Variants in CPED1 observed in about 807,000 individuals in gnomAD.
CPED1 encodes cadherin-like and PC-esterase domain-containing protein 1.
Under a neutral mutation model 128.2 loss-of-function variants are expected in CPED1, and 114 were observed. The ratio of observed to expected loss-of-function variants is 0.89; its 90% CI spans 0.76 to 1.04. The LOEUF is 1.04. CPED1 is among the 50% of genes least tolerant of loss of function. The pLI is 0.00. For missense variants in CPED1, 1,211 were observed against 1,207.1 expected (o/e 1.00, Z -0.05); for synonymous variants, 462 against 426.7 (o/e 1.08, Z -1.02).
intron 2 of CPED1, among the ~76,000 whole-genome samples, chr7:120,996,390 G>A (rs1373947425): frequency 3.3e-5 from 5 of 152,168 alleles, no homozygotes; most frequent in Non-Finnish European, 5.9e-5. Flanking sequence ...ATACAGTTAA[G>A]TAGTATTAAT....
intron 16 of CPED1, among the ~76,000 whole-genome samples, chr7:121,177,835 A>C (rs1454433799): frequency 6.6e-6 from 1 of 151,986 alleles, no homozygotes; most frequent in African/African-American, 2.4e-5. Context: ...GCTGTGTTCT[A>C]TTCTTATGAC....
chr7:121,252,842 G>T (rs1297271507), intron 18 of CPED1, among the ~76,000 whole-genome samples: 1 of 152,114 alleles, frequency 6.6e-6, no homozygotes, highest in Non-Finnish European at 1.5e-5. Context: ...GGAGAAATAG[G>T]AACACTTTTA....
chr7:120,990,003 G>A, intron 2 of CPED1, 133 bp downstream of exon 2: 2 of 1,017,484 alleles, frequency 2.0e-6, no homozygotes, highest in Non-Finnish European at 2.9e-6. Context: ...CCTAGAGAGT[G>A]ACCTGATGAC....
chr7:121,037,082 G>C (rs1205461106), intron 3 of CPED1, among the ~76,000 whole-genome samples: 1 of 152,098 alleles, frequency 6.6e-6, no homozygotes, highest in Non-Finnish European at 1.5e-5. Flanking sequence ...CTTTCCCTCT[G>C]TGGATTGTCT....
At chr7:121,238,955 A>C (rs773847717) in intron 17 of CPED1, among the ~76,000 whole-genome samples, 16 of 152,122 alleles carry the variant, frequency 1.1e-4, no homozygotes, top group Non-Finnish European at 2.1e-4. Flanking sequence ...ACAGAAGACT[A>C]TGAGCAGCCA....
At chr7:121,051,566 T>C (rs1253327327) in intron 4 of CPED1, 1 of 393,220 alleles carries the variant, frequency 2.5e-6, no homozygotes, top group Non-Finnish European at 4.8e-6. Flanking sequence ...GTCCTGCATT[T>C]AATGTCTTGA....
chr7:121,125,179 A>G (rs1443412172), intron 8 of CPED1, among the ~76,000 whole-genome samples: 1 of 152,216 alleles, frequency 6.6e-6, no homozygotes, highest in Non-Finnish European at 1.5e-5. Context: ...TATCACATGT[A>G]ATTTTACATT....
At chr7:121,094,064 C>T (rs1225938783) in intron 5 of CPED1, among the ~76,000 whole-genome samples, 2 of 152,092 alleles carry the variant, frequency 1.3e-5, no homozygotes, top group Non-Finnish European at 2.9e-5. Flanking sequence ...GCTGTTATAC[C>T]TGTAGGCTAA....
intron 16 of CPED1, among the ~76,000 whole-genome samples, chr7:121,209,580 C>T (rs1258295395): frequency 2.0e-5 from 3 of 151,988 alleles, no homozygotes; most frequent in Admixed American, 6.6e-5. Flanking sequence ...AGACCCCTAT[C>T]TCTCACTATA....
At chr7:121,267,053 A>T (rs970427710) in intron 20 of CPED1, among the ~76,000 whole-genome samples, 162 bp from the exon 21 acceptor site, 7 of 152,174 alleles carry the variant, frequency 4.6e-5, no homozygotes, top group East Asian at 1.9e-4. Context: ...ACTCTATCTT[A>T]AAAAAACCGT....
At chr7:121,125,759 A>G in intron 8 of CPED1, 61 bp from the exon 9 acceptor site, 1 of 1,237,960 alleles carries the variant, frequency 8.1e-7, no homozygotes, top group African/African-American at 1.5e-5. Context: ...TAAATAGTGC[A>G]TTAATAAACA....
Position 121,124,387 on chromosome 7 carries a change from C to A in CPED1, c.975C>A (p.Asp325Glu). 1 of 1,608,660 alleles carries A rather than the reference C, an allele frequency of 6.2e-7. No homozygotes were observed. Among genetic ancestry groups the A allele is most frequent in the South Asian group, 1.1e-5 (1 of 90,494 alleles). ...CCAGTTCACCTCAACAGGCTTTTGA[C>A]ATTATGAAGGAAGCAATTGGCAAAC... The part of the protein sequence containing the change: ...LRASSPQQAF[D>E]IMKEAIGKLL... The change falls in exon 8 of 23, where the codon GAC becomes GAA. Residue 325 changes from aspartate (D) to glutamate (E), a missense_variant. By Grantham distance (45) the Asp-to-Glu change is conservative. Transcript: ENST00000310396.
chr7:121,287,356 G>T (rs746384907), intron 22 of CPED1, among the ~76,000 whole-genome samples: 1 of 143,760 alleles, frequency 7.0e-6, no homozygotes, highest in Non-Finnish European at 1.5e-5. Context: ...TTTAATTTTG[G>T]CAATGACGCC....
At chr7:121,216,384 A>G (rs1037955480) in intron 16 of CPED1, among the ~76,000 whole-genome samples, 11 of 152,040 alleles carry the variant, frequency 7.2e-5, no homozygotes, top group Admixed American at 6.6e-4. Context: ...ACTTCTACTC[A>G]CATTCTGTTA....
intron 7 of CPED1, among the ~76,000 whole-genome samples, chr7:121,103,027 G>A (rs767546109): frequency 1.6e-4 from 24 of 152,000 alleles, no homozygotes; most frequent in Middle Eastern, 6.8e-3. Context: ...TGTAAGTGCC[G>A]CTCCCCCTAC....
intron 5 of CPED1, among the ~76,000 whole-genome samples, chr7:121,068,551 T>C (rs1793911908): frequency 6.6e-6 from 1 of 151,630 alleles, no homozygotes; most frequent in Non-Finnish European, 1.5e-5. Flanking sequence ...GGTAGTGTGA[T>C]GCCTCCAGCT....
chr7:121,058,240 G>A (rs565381442), intron 4 of CPED1, among the ~76,000 whole-genome samples: 6 of 152,254 alleles, frequency 3.9e-5, no homozygotes, highest in African/African-American at 9.6e-5. Context: ...TTCTGAGCAC[G>A]CAGATGACAG....
At chr7:121,075,348 G>A (rs746909583) in intron 5 of CPED1, among the ~76,000 whole-genome samples, 11 of 152,130 alleles carry the variant, frequency 7.2e-5, no homozygotes, top group Non-Finnish European at 8.8e-5. Flanking sequence ...AATTATTATA[G>A]TAGTATGGTG....
At chr7:121,191,830 A>G (rs1419564777) in intron 16 of CPED1, among the ~76,000 whole-genome samples, 1 of 152,120 alleles carries the variant, frequency 6.6e-6, no homozygotes. Flanking sequence ...CTTTCCTTCA[A>G]CGTTATTTCC....
Sources: gnomAD v4.1 joint callset for allele counts (sites outside exome capture counted in the v4.1 genomes callset) on GRCh38, gnomAD v4.1.1 for gene constraint, MANE v1.5 for transcripts, NCBI Gene and HGNC (gene_info 2026-07-23, HGNC 2026-07-21) for gene names.